Variants in TEP1 observed in about 807,000 individuals in gnomAD.
TEP1 encodes telomerase protein component 1.
TEP1 carries 241 observed loss-of-function variants against 306.3 expected under a neutral mutation model. The observed-to-expected ratio is 0.79, with a 90% CI of 0.71 to 0.88. The LOEUF (loss-of-function observed/expected upper bound fraction) is 0.88. Among genes scored for constraint, TEP1 ranks in the 40% least tolerant of loss-of-function variants. TEP1 has a pLI of 0.00. For synonymous variants in TEP1, 1,289 were observed against 1,305.5 expected, an observed-to-expected ratio of 0.99 and a Z score of 0.27; for missense variants, 3,051 against 3,276.1, an observed-to-expected ratio of 0.93 and a Z score of 1.68.
In TEP1 at chr14:20,380,959, A is replaced by G. The variant is rs760819869; in HGVS notation, c.4734T>C (p.Ser1578=). 1 of 1,614,170 alleles carries G rather than the reference A, an allele frequency of 6.2e-7. No homozygotes were observed. Among genetic ancestry groups the G allele is most frequent in the Non-Finnish European group, 8.5e-7 (1 of 1,180,020 alleles). Residue 1578 remains serine (S), a synonymous_variant, in exon 33 of 55, where the codon TCT becomes TCC. Transcript: ENST00000262715. ...VAAHLELGLV[S]RLLEAHALYA... ...AGAGGGCATGGGCCTCCAAGAGCCG[A>G]GAGACCAGACCCAATTCCAAGTGTG...
In TEP1 at chr14:20,396,706, G is replaced by A. The variant is rs954260690; in HGVS notation, c.1574C>T (p.Ala525Val). 1.2e-6 allele frequency: 2 copies of A among 1,609,338 alleles called. No homozygotes were observed. Among genetic ancestry groups the A allele is most frequent in the Non-Finnish European group, 1.7e-6 (2 of 1,176,534 alleles). The change falls in exon 10 of 55, where the codon GCC (alanine) becomes GTC (valine). Residue 525 changes from alanine to valine, a missense_variant. Ala to Val is a moderately conservative substitution (Grantham distance 64). This residue lies in a region of TEP1 where 1,507 missense variants were observed against 1,550.5 expected (regional missense o/e 0.97). Transcript: ENST00000262715. ...LIENGKLPFM[A>V]MLRNLCNLLR... ...CAGGTTGCACAGGTTCCGAAGCATG[G>A]CCATGAAGGGAAGCTTCCCATTTTC...
At chr14:20,399,095 G>A (rs1341261292) in intron 9 of TEP1, among the ~76,000 whole-genome samples, 1 of 152,126 alleles carries the variant, frequency 6.6e-6, no homozygotes, top group African/African-American at 2.4e-5. Context: ...GTTTCACCAT[G>A]TTGCTCAGGC....
chr14:20,390,959 G>A lies in TEP1; in HGVS notation c.2235C>T (p.Ile745=), dbSNP rs1877656461. The change falls in exon 14 of 55, where the codon ATC becomes ATT. Residue 745 remains isoleucine (I), a synonymous_variant. Coordinates refer to ENST00000262715, the MANE Select transcript of TEP1 (RefSeq NM_007110.5). ...TGACCTGGACTTGAGCCTGGAGCTT[G>A]ATGGCAGTCTTCAGGATGCCTTCTT... ...KAEEGILKTA[I]KLQAQVQEFD... 2.5e-6 allele frequency: 4 copies of A among 1,614,100 alleles called. 1 individual carries two copies. The South Asian group carries it at 4.4e-5, about 18-fold the overall frequency.
At chr14:20,379,908 T>A in intron 35 of TEP1, 22 bp downstream of exon 35, 1 of 1,601,022 alleles carries the variant, frequency 6.2e-7, no homozygotes. Context: ...GGGTAAATTC[T>A]GCCCCTCCTT....
chr14:20,379,030 TAAGA>T lies in TEP1; in HGVS notation c.5199_5202del (p.Phe1733LeufsTer34), dbSNP rs759562202. ...AGCTCCAGGAGCCCGTCGAAGGCAG[TAAGA>T]AAGAGTGTATCATCGGAGAGGAACA... On this transcript the variant is annotated frameshift_variant, in exon 36 of 55. Transcript: ENST00000262715. LOFTEE classifies it high-confidence loss of function. 4.3e-6 allele frequency: 7 copies of T among 1,614,006 alleles called. No individual in the cohort carries two copies. The highest frequency in any genetic ancestry group is 5.9e-6 in the Non-Finnish European group (7 of 1,180,030).
intron 12 of TEP1, among the ~76,000 whole-genome samples, chr14:20,394,229 C>A (rs1877985936): frequency 6.6e-6 from 1 of 152,162 alleles, no homozygotes. Flanking sequence ...AGTGCAAGCA[C>A]CTGCACCTGG....
rs375193996 is a variant in TEP1, at chr14:20,383,772, T to C, written c.3681A>G (p.Lys1227=). Residue 1227 remains lysine (K), a synonymous_variant, in exon 25 of 55, where the codon AAA becomes AAG. Transcript: ENST00000262715. ...RLCTYLRGQL[K]EPGALPSTYR... is the part of the protein sequence containing the mutation. ...AGGTGCTGGGGAGGGCACCTGGCTC[T>C]TTTAGTTGGCCACGCAGATAGGTAC... The C allele has an allele frequency of 1.1e-5, 17 of 1,611,572 alleles. No individual in the cohort carries two copies. Among genetic ancestry groups the C allele is most frequent in the East Asian group, 8.9e-5 (4 of 44,844 alleles).
chr14:20,391,719 T>C lies in TEP1; in HGVS notation c.1977A>G (p.Leu659=). Residue 659 remains leucine, a synonymous_variant, in exon 13 of 55, where the codon CTA becomes CTG. Transcript: ENST00000262715. The part of the protein sequence containing the change: ...GEMLNRYRQA[L]ETAVNLSVKH... ...TCACAGAGAGGTTCACAGCTGTCTC[T>C]AGGGCCTGTCGGTACCTGTTCAGCA... is the stretch of plus-strand genomic sequence containing the variant. 1 of 1,614,232 alleles carries C rather than the reference T, an allele frequency of 6.2e-7. No homozygotes were observed. The highest frequency in any genetic ancestry group is 8.5e-7 in the Non-Finnish European group (1 of 1,180,042).
chr14:20,383,843 C>A lies in TEP1; in HGVS notation c.3610G>T (p.Ala1204Ser), dbSNP rs1288700135. The change falls in exon 25 of 55, where the codon GCT becomes TCT. Residue 1204 changes from alanine (A) to serine (S), a missense_variant. Ala to Ser is a moderately conservative substitution (Grantham distance 99). Coordinates refer to ENST00000262715, the MANE Select transcript of TEP1 (RefSeq NM_007110.5). ...ASLVFFHFSG[A>S]RPDQGLALTL... ...AGGGCAAGACCCTGGTCAGGACGAG[C>A]CCCAGAAAAGTGGAAGAAGACTAAT... The A allele has an allele frequency of 1.2e-6, 2 of 1,605,400 alleles. No individual in the cohort carries two copies. The highest frequency in any genetic ancestry group is 2.2e-5 in the East Asian group (1 of 44,796).
At position 20,377,697 on chromosome 14, in the gene TEP1, A is replaced by G. The variant is rs770707233; in HGVS notation, c.5778T>C (p.Ser1926=). The G allele has an allele frequency of 1.2e-6, 2 of 1,613,984 alleles. No individual in the cohort carries two copies. Among genetic ancestry groups the G allele is most frequent in the African/African-American group, 2.7e-5 (2 of 74,882 alleles). Residue 1926 remains serine, a synonymous_variant, in exon 40 of 55, where the codon TCT becomes TCC. Coordinates refer to ENST00000262715, the MANE Select transcript of TEP1 (RefSeq NM_007110.5). ...GTGCCACAGAGAGGGCAGGAGAGAG[A>G]GAAAGGGAACCCAGGTGCCCACGGG... ...GRPRGHLGSL[S]LSPALSVALS...
chr14:20,406,412 G>C lies in TEP1; in HGVS notation c.568-12C>G, dbSNP rs763390969. 1 of 1,613,392 alleles carries C rather than the reference G, an allele frequency of 6.2e-7. No homozygotes were observed. ...TCAAACCAACGACCCTGGGGTAGTA[G>C]TGGCAGTTATGAATCACAGCAGGTA... On this transcript the variant is annotated splice_polypyrimidine_tract_variant and intron_variant, in intron 2 of 54. Coordinates refer to ENST00000262715, the MANE Select transcript of TEP1 (RefSeq NM_007110.5).
rs750611706 is a variant in TEP1, at chr14:20,389,247, G to A, written c.2516C>T (p.Ala839Val). 39 of 1,613,752 alleles carry A rather than the reference G, an allele frequency of 2.4e-5. No homozygotes were observed. The South Asian group carries it at 2.9e-4, about 12-fold the overall frequency. ...NDVTLSGCTDAILKFIAEHGA... is the reference protein window; with the variant it reads ...NDVTLSGCTDVILKFIAEHGA... ...TCCATTCTGTACTCACTTCAGTATC[G>A]CATCAGTACAGCCTGAGAGTGTCAC... Residue 839 changes from alanine to valine, a missense_variant, in exon 17 of 55, where the codon GCG becomes GTG. Ala to Val is a moderately conservative substitution (Grantham distance 64). This residue lies in a region of TEP1 where 1,507 missense variants were observed against 1,550.5 expected (regional missense o/e 0.97). Transcript: ENST00000262715.
rs10083536 is a variant in TEP1 at position 20,408,030 on chromosome 14, G to A, written c.410C>T (p.Thr137Met). The change falls in exon 2 of 55, where the codon ACG becomes ATG. Residue 137 changes from threonine to methionine, a missense_variant. Thr to Met is a moderately conservative substitution (Grantham distance 81). Transcript: ENST00000262715. ...LFQSLQISHMTQADLYRVNNS... is the reference protein window; with the variant it reads ...LFQSLQISHMMQADLYRVNNS... The stretch of plus-strand genomic sequence containing the variant: ...GTTCACACGGTACAAATCAGCTTGC[G>A]TCATGTGAGATATCTGTAGACTCTG... The A allele has an allele frequency of 0.029, 47,000 of 1,614,108 alleles. 804 individuals are homozygous for A. The highest frequency in any genetic ancestry group is 0.075 in the African/African-American group (5,626 of 75,006).
chr14:20,371,320 T>A lies in TEP1; in HGVS notation c.7221-6A>T. ...GATTTTCTGTATAGCTGCTCCTGGTTTGTGAGAAAGGAATAGGTTGAGCTC... is the reference window on the plus strand; with the variant it reads ...GATTTTCTGTATAGCTGCTCCTGGTATGTGAGAAAGGAATAGGTTGAGCTC... On this transcript the variant is annotated splice_region_variant and splice_polypyrimidine_tract_variant and intron_variant, in intron 50 of 54. Transcript: ENST00000262715. 6.2e-7 allele frequency: 1 copy of A among 1,613,374 alleles called. No homozygotes were observed. Among genetic ancestry groups the A allele is most frequent in the East Asian group, 2.2e-5 (1 of 44,884 alleles).
rs150794249 is a variant in TEP1 at position 20,386,497 on chromosome 14, G to C, written c.2811C>G (p.His937Gln). The C allele has an allele frequency of 7.4e-6, 12 of 1,612,276 alleles. No individual in the cohort carries two copies. The African/African-American group carries it at 1.2e-4, about 16-fold the overall frequency. Residue 937 changes from histidine to glutamine, a missense_variant, in exon 19 of 55, where the codon CAC (histidine) becomes CAG (glutamine). Coordinates refer to ENST00000262715, the MANE Select transcript of TEP1 (RefSeq NM_007110.5). ...TGACGCCCCAGCGGAGGTCGATTCCGTGAAGGCTGATACGGTGAGGGGCCG... is the reference window on the plus strand; with the variant it reads ...TGACGCCCCAGCGGAGGTCGATTCCCTGAAGGCTGATACGGTGAGGGGCCG... ...ARAAPHRISL[H>Q]GIDLRWGVTE...
intron 19 of TEP1, 78 bp downstream of exon 19, chr14:20,386,369 C>A: frequency 6.4e-7 from 1 of 1,571,400 alleles, no homozygotes; most frequent in East Asian, 2.3e-5. Context: ...TTCTTGCAGC[C>A]CCAACCATGC....
At position 20,382,710 on chromosome 14, in the gene TEP1, T is replaced by C. The variant is rs762408623; in HGVS notation, c.4053A>G (p.Arg1351=). ...LEESPFNNQM[R]LLLVKRESGR... ...CTGATTCCCGCTTCACCAGCAGCAGTCGCATCTGGCAAGACTCAGGACTCA... is the reference window on the plus strand; with the variant it reads ...CTGATTCCCGCTTCACCAGCAGCAGCCGCATCTGGCAAGACTCAGGACTCA... Residue 1351 remains arginine (R), a synonymous_variant, in exon 28 of 55, where the codon CGA becomes CGG. Transcript: ENST00000262715. 4 of 1,613,846 alleles carry C rather than the reference T, an allele frequency of 2.5e-6. No homozygotes were observed. In the Admixed American group the frequency reaches 6.7e-5, roughly 27 times the overall value.
In TEP1 at chr14:20,369,429, C is replaced by A; in HGVS notation, c.7571G>T (p.Cys2524Phe). 6.2e-7 allele frequency: 1 copy of A among 1,614,212 alleles called. No homozygotes were observed. The highest frequency in any genetic ancestry group is 8.5e-7 in the Non-Finnish European group (1 of 1,180,040). The change falls in exon 53 of 55, where the codon TGC (cysteine) becomes TTC (phenylalanine). Residue 2524 changes from cysteine to phenylalanine, a missense_variant. Around this residue, in one of 3 missense-constraint regions of TEP1, gnomAD observed 1,540 missense variants for 1,705.9 expected, o/e 0.90. Coordinates refer to ENST00000262715, the MANE Select transcript of TEP1 (RefSeq NM_007110.5). ...ATCCATGCTGGCATCAGATTCCCTGCAGGTAGATGGGTCTGTCCCTGGAGT... is the reference window on the plus strand; with the variant it reads ...ATCCATGCTGGCATCAGATTCCCTGAAGGTAGATGGGTCTGTCCCTGGAGT... ...TQTPGTDPST[C>F]RESDASMDSD...
rs749712575 is a variant in TEP1 at position 20,386,049 on chromosome 14, C to T, written c.2982+26G>A. 6 of 1,572,164 alleles carry T rather than the reference C, an allele frequency of 3.8e-6. No individual in the cohort carries two copies. In the South Asian group the frequency reaches 7.2e-5, roughly 19 times the overall value. ...GCCCCAATCTTTGCTTCCTCCCCAGCCCTCCTCCAAACCTGTCTGCCTTAC... is the reference window on the plus strand; with the variant it reads ...GCCCCAATCTTTGCTTCCTCCCCAGTCCTCCTCCAAACCTGTCTGCCTTAC... On this transcript the variant is annotated intron_variant, in intron 20 of 54. Coordinates refer to ENST00000262715, the MANE Select transcript of TEP1 (RefSeq NM_007110.5).
Sources: gnomAD v4.1 joint callset for allele counts (sites outside exome capture counted in the v4.1 genomes callset) on GRCh38, gnomAD v4.1.1 for gene constraint, gnomAD v4.1.1 regional missense constraint, MANE v1.5 for transcripts, NCBI Gene and HGNC (gene_info 2026-07-23, HGNC 2026-07-21) for gene names.